Variants in DLG2 observed in about 807,000 individuals in gnomAD.
DLG2 encodes discs large MAGUK scaffold protein 2.
A neutral mutation model predicts 132.5 loss-of-function variants in DLG2; 45 were observed. That is an observed-to-expected ratio of 0.34 (90% CI 0.27 to 0.44). The LOEUF (loss-of-function observed/expected upper bound fraction) is 0.44, where lower values mean the gene tolerates loss of function less well. Ranked by LOEUF, DLG2 falls within the 20% of genes least tolerant of loss-of-function variation. The probability of loss-of-function intolerance (pLI) is 1.00; values close to 1 mark genes in which losing one functional copy is unlikely to be tolerated. For missense variants in DLG2, 1,045 were observed against 1,196.9 expected (o/e 0.87, Z 1.87); for synonymous variants, 424 against 419.6 (o/e 1.01, Z -0.13).
chr11:84,831,432 CT>C (rs2079045077), intron 6 of DLG2, among the ~76,000 whole-genome samples: 1 of 151,596 alleles, frequency 6.6e-6, no homozygotes, highest in Non-Finnish European at 1.5e-5. Flanking sequence ...ATCATATCTA[CT>C]TTAAATCTTT....
chr11:84,314,110 C>A (rs1343187935), intron 7 of DLG2, among the ~76,000 whole-genome samples: 1 of 152,162 alleles, frequency 6.6e-6, no homozygotes, highest in Non-Finnish European at 1.5e-5. Context: ...GTTATAGCAG[C>A]TGGAAATCAC....
intron 6 of DLG2, among the ~76,000 whole-genome samples, chr11:84,753,344 T>C (rs933881225): frequency 2.6e-5 from 4 of 151,974 alleles, no homozygotes; most frequent in African/African-American, 4.8e-5. Context: ...AATCCCATAG[T>C]GTAGGTGAGA....
At chr11:84,072,837 C>T (rs976443961) in intron 10 of DLG2, among the ~76,000 whole-genome samples, 2 of 152,156 alleles carry the variant, frequency 1.3e-5, no homozygotes, top group African/African-American at 4.8e-5. Context: ...TTGTTAGAGG[C>T]TGCTATATAA....
chr11:84,227,926 A>G (rs895692682), intron 8 of DLG2, among the ~76,000 whole-genome samples: 1 of 151,776 alleles, frequency 6.6e-6, no homozygotes, highest in African/African-American at 2.4e-5. Context: ...AAAAAAAAAA[A>G]AAAAAATGTA....
intron 11 of DLG2, among the ~76,000 whole-genome samples, chr11:84,030,335 TC>T (rs1182703642): frequency 6.6e-6 from 1 of 152,148 alleles, no homozygotes; most frequent in Non-Finnish European, 1.5e-5. Context: ...ATATAATGCT[TC>T]CTATTGGTTA....
At chr11:84,292,316 C>T (rs551650038) in intron 7 of DLG2, among the ~76,000 whole-genome samples, 22 of 152,178 alleles carry the variant, frequency 1.4e-4, no homozygotes, top group Non-Finnish European at 2.8e-4. Context: ...ATTCTCTGGA[C>T]CTCTTTCCCC....
chr11:85,210,276 A>C (rs2082172756), intron 4 of DLG2, among the ~76,000 whole-genome samples: 1 of 151,874 alleles, frequency 6.6e-6, no homozygotes, highest in African/African-American at 2.4e-5. Context: ...ATAAGCCCTC[A>C]TGTCTCACCA....
At chr11:84,554,795 T>C (rs2099408757) in intron 6 of DLG2, among the ~76,000 whole-genome samples, 1 of 151,940 alleles carries the variant, frequency 6.6e-6, no homozygotes, top group Non-Finnish European at 1.5e-5. Flanking sequence ...AATAAGATGC[T>C]CCAAGAGAGC....
At chr11:85,574,129 A>G (rs937770364) in intron 3 of DLG2, among the ~76,000 whole-genome samples, 1 of 152,178 alleles carries the variant, frequency 6.6e-6, no homozygotes, top group Non-Finnish European at 1.5e-5. Flanking sequence ...AAATAATGTT[A>G]ACTACCTCAG....
At chr11:85,525,866 G>A (rs2074702699) in intron 3 of DLG2, among the ~76,000 whole-genome samples, 1 of 151,924 alleles carries the variant, frequency 6.6e-6, no homozygotes, top group Non-Finnish European at 1.5e-5. Context: ...GACTAGACAG[G>A]AGAGATCTCA....
chr11:85,022,051 T>C (rs2060121676), intron 6 of DLG2, among the ~76,000 whole-genome samples: 1 of 151,984 alleles, frequency 6.6e-6, no homozygotes, highest in Non-Finnish European at 1.5e-5. Context: ...AAAAATTGCA[T>C]AAAAAGGAAA....
chr11:84,647,740 C>T (rs2099676704), intron 6 of DLG2, among the ~76,000 whole-genome samples: 1 of 152,138 alleles, frequency 6.6e-6, no homozygotes, highest in African/African-American at 2.4e-5. Flanking sequence ...TAACCTCTGT[C>T]ATAGAGATGT....
At chr11:85,256,535 C>T (rs1276212588) in intron 4 of DLG2, among the ~76,000 whole-genome samples, 1 of 152,212 alleles carries the variant, frequency 6.6e-6, no homozygotes, top group Non-Finnish European at 1.5e-5. Context: ...AAAAAGCACA[C>T]TGTAACACAT....
chr11:84,723,746 C>T (rs1195246106), intron 6 of DLG2, among the ~76,000 whole-genome samples: 1 of 152,078 alleles, frequency 6.6e-6, no homozygotes, highest in Admixed American at 6.6e-5. Context: ...GGAGATGACG[C>T]ATTCATTTTT....
intron 16 of DLG2, 95 bp from the exon 17 acceptor site, chr11:83,833,865 AC>A: frequency 7.9e-7 from 1 of 1,259,506 alleles, no homozygotes; most frequent in Non-Finnish European, 1.1e-6. Flanking sequence ...TCAGCAACTC[AC>A]TACTTGTAAA....
At chr11:84,711,759 T>C (rs2060479671) in intron 6 of DLG2, among the ~76,000 whole-genome samples, 1 of 151,998 alleles carries the variant, frequency 6.6e-6, no homozygotes, top group Non-Finnish European at 1.5e-5. Flanking sequence ...GAGGACAATC[T>C]GCTTTATTGG....
At chr11:85,514,232 G>C (rs2094132468) in intron 3 of DLG2, among the ~76,000 whole-genome samples, 1 of 152,014 alleles carries the variant, frequency 6.6e-6, no homozygotes, top group African/African-American at 2.4e-5. Flanking sequence ...ATAGATACTA[G>C]TATCCCTGTT....
intron 17 of DLG2, among the ~76,000 whole-genome samples, chr11:83,823,633 T>A (rs1359114794): frequency 6.6e-6 from 1 of 150,672 alleles, no homozygotes; most frequent in Non-Finnish European, 1.5e-5. Context: ...TTCAGAGAAG[T>A]GGGCAAAGAT....
chr11:83,919,194 G>GT (rs1475541785), intron 15 of DLG2, among the ~76,000 whole-genome samples: 1 of 152,134 alleles, frequency 6.6e-6, no homozygotes, highest in African/African-American at 2.4e-5. Flanking sequence ...TAGAAATCTG[G>GT]TAGAGGCTCT....
Sources: allele counts gnomAD v4.1 joint callset (sites outside exome capture counted in the v4.1 genomes callset), GRCh38; gene constraint gnomAD v4.1.1; transcripts MANE v1.5; gene names NCBI Gene and HGNC (gene_info 2026-07-23, HGNC 2026-07-21).